NCOA1: variants seen among roughly 807,000 people sequenced by gnomAD.
The protein encoded by NCOA1 is nuclear receptor coactivator 1, also known as Hin-2 protein.
Under a neutral mutation model 150.9 loss-of-function variants are expected in NCOA1, and 35 were observed. That is an observed-to-expected ratio of 0.23 (90% CI 0.18 to 0.31). The LOEUF is 0.31. Ranked by LOEUF, NCOA1 falls within the 10% of genes least tolerant of loss-of-function variation. The pLI, the probability that NCOA1 is intolerant of heterozygous loss-of-function variation, is 1.00. For synonymous variants in NCOA1, 590 were observed against 630.0 expected (o/e 0.94, Z 0.95); for missense variants, 1,491 against 1,749.3 (o/e 0.85, Z 2.63).
At position 24,685,870 on chromosome 2, in the gene NCOA1, T is replaced by C. The variant is rs532442672; in HGVS notation, c.532+2742T>C. Among the ~76,000 whole-genome samples, 33 of 152,334 alleles carry C rather than the reference T, an allele frequency of 2.2e-4. No individual in the cohort carries two copies. In the South Asian group the frequency reaches 6.8e-3, roughly 32 times the overall value. ...AGCTGGTTTTGATTATGCTTTTATC[T>C]TAGAAATCAATGTGAAGGAAGGACA... On this transcript the variant is annotated intron_variant, in intron 8 of 22. Transcript: ENST00000348332.
chr2:24,712,052 TC>T (rs1373075456), intron 14 of NCOA1, among the ~76,000 whole-genome samples: 3 of 152,222 alleles, frequency 2.0e-5, no homozygotes, highest in African/African-American at 7.2e-5. Context: ...TAATCTTGAA[TC>T]CATCTGTGAC....
chr2:24,599,272 T>C (rs1668008118), intron 3 of NCOA1, among the ~76,000 whole-genome samples: 1 of 152,240 alleles, frequency 6.6e-6, no homozygotes, highest in Non-Finnish European at 1.5e-5. Flanking sequence ...TATTCCAATA[T>C]ACTGGACATT....
At chr2:24,680,936 A>G (rs1672133331) in intron 7 of NCOA1, among the ~76,000 whole-genome samples, 1 of 152,194 alleles carries the variant, frequency 6.6e-6, no homozygotes, top group Non-Finnish European at 1.5e-5. Context: ...GGATGTGTTT[A>G]CTAAATTACG....
At chr2:24,746,138 C>T (rs1663905111) in intron 19 of NCOA1, among the ~76,000 whole-genome samples, 1 of 152,208 alleles carries the variant, frequency 6.6e-6, no homozygotes, top group African/African-American at 2.4e-5. Context: ...TGAATAGATG[C>T]TTAATGAATC....
chr2:24,576,149 G>GTTTTTTTTTGTTTGTTTT (rs1666947727), intron 2 of NCOA1, among the ~76,000 whole-genome samples: 2 of 94,024 alleles, frequency 2.1e-5, no homozygotes, highest in African/African-American at 9.0e-5. Flanking sequence ...TTTGGCCTTT[G>GTTTTTTTTTGTTTGTTTT]TTTTTTTTTT....
chr2:24,767,428 G>A (rs1463745872), intron 22 of NCOA1, among the ~76,000 whole-genome samples: 2 of 152,178 alleles, frequency 1.3e-5, no homozygotes, highest in Non-Finnish European at 2.9e-5. Context: ...AGGCTGGTTG[G>A]TAAAGACTAA....
In NCOA1 at chr2:24,768,264, T is replaced by G; in HGVS notation, c.4199T>G (p.Val1400Gly). 6.2e-7 allele frequency: 1 copy of G among 1,613,680 alleles called. No individual in the cohort carries two copies. Among genetic ancestry groups the G allele is most frequent in the Non-Finnish European group, 8.5e-7 (1 of 1,179,856 alleles). The change falls in exon 23 of 23, where the codon GTG (valine) becomes GGG (glycine). Residue 1400 changes from valine to glycine, a missense_variant. By Grantham distance (109) the Val-to-Gly change is moderately radical (BLOSUM62 -3). Transcript: ENST00000348332. ...VQVFADVQCT[V>G]NLVGGDPYLN... ...GTGTTTGCTGACGTCCAGTGTACAG[T>G]GAATCTGGTAGGCGGGGACCCTTAC...
intron 1 of NCOA1, among the ~76,000 whole-genome samples, chr2:24,563,522 CTTT>C (rs1258979407): frequency 6.9e-6 from 1 of 145,232 alleles, no homozygotes. Flanking sequence ...AAATCTCTCT[CTTT>C]TTTTTTTTTT....
At chr2:24,614,774 T>C (rs1668801386) in intron 3 of NCOA1, among the ~76,000 whole-genome samples, 1 of 152,214 alleles carries the variant, frequency 6.6e-6, no homozygotes, top group African/African-American at 2.4e-5. Context: ...AAAAGTTATT[T>C]CTTCATGTAA....
At chr2:24,566,387 T>C (rs1237477808) in intron 2 of NCOA1, among the ~76,000 whole-genome samples, 1 of 151,200 alleles carries the variant, frequency 6.6e-6, no homozygotes, top group Non-Finnish European at 1.5e-5. Context: ...AACTGGTAGT[T>C]CCATTGTGTG....
At chr2:24,550,381 C>G (rs1466067087) in intron 1 of NCOA1, among the ~76,000 whole-genome samples, 1 of 152,164 alleles carries the variant, frequency 6.6e-6, no homozygotes, top group African/African-American at 2.4e-5. Flanking sequence ...ACTTACATTT[C>G]CACGTGGCTG....
intron 1 of NCOA1, among the ~76,000 whole-genome samples, chr2:24,516,710 C>T (rs1664184171): frequency 6.6e-6 from 1 of 151,130 alleles, no homozygotes; most frequent in Admixed American, 6.6e-5. Context: ...TCTCCTCTCC[C>T]ATGTATTAGT....
chr2:24,533,824 G>A (rs1665001637), intron 1 of NCOA1, among the ~76,000 whole-genome samples: 1 of 152,212 alleles, frequency 6.6e-6, no homozygotes, highest in Admixed American at 6.6e-5. Flanking sequence ...GCTTTTTGAT[G>A]TGCTGTTGGA....
At chr2:24,742,539 C>G (rs1180117807) in intron 19 of NCOA1, among the ~76,000 whole-genome samples, 3 of 151,934 alleles carry the variant, frequency 2.0e-5, no homozygotes, top group Non-Finnish European at 4.4e-5. Context: ...TCACTGCATC[C>G]TCCACCTCCT....
At chr2:24,689,938 A>G (rs963935754) in intron 8 of NCOA1, among the ~76,000 whole-genome samples, 1 of 152,212 alleles carries the variant, frequency 6.6e-6, no homozygotes, top group African/African-American at 2.4e-5. Context: ...CATGCATATA[A>G]AAATGTTATT....
At chr2:24,610,032 A>G (rs1295802502) in intron 3 of NCOA1, among the ~76,000 whole-genome samples, 1 of 150,326 alleles carries the variant, frequency 6.7e-6, no homozygotes, top group Admixed American at 6.6e-5. Flanking sequence ...CAGGGAATGT[A>G]GTCTTTCTGG....
At chr2:24,501,966 G>A (rs1663482358) in intron 1 of NCOA1, among the ~76,000 whole-genome samples, 1 of 152,218 alleles carries the variant, frequency 6.6e-6, no homozygotes, top group South Asian at 2.1e-4. Context: ...ATGACTAGAT[G>A]TGCAGTCTGT....
At chr2:24,527,391 T>C (rs898386157) in intron 1 of NCOA1, among the ~76,000 whole-genome samples, 6 of 152,190 alleles carry the variant, frequency 3.9e-5, no homozygotes, top group African/African-American at 9.6e-5. Flanking sequence ...AAACATTCCA[T>C]ATGTGAGGTC....
intron 1 of NCOA1, among the ~76,000 whole-genome samples, chr2:24,545,599 G>A (rs1665575363): frequency 6.6e-6 from 1 of 152,084 alleles, no homozygotes; most frequent in Admixed American, 6.6e-5. Context: ...TGAGAGGAAT[G>A]GTTATTTGTA....
Sources: allele counts gnomAD v4.1 joint callset (sites outside exome capture counted in the v4.1 genomes callset), GRCh38; gene constraint gnomAD v4.1.1; transcripts MANE v1.5; gene names NCBI Gene and HGNC (gene_info 2026-07-23, HGNC 2026-07-21).